FAM168B: variants seen among roughly 807,000 people sequenced by gnomAD.
FAM168B encodes myelin-associated neurite-outgrowth inhibitor.
In FAM168B, 19 loss-of-function variants were observed where a neutral mutation model predicts 21.8. That is an observed-to-expected ratio of 0.87 (90% CI 0.61 to 1.28). FAM168B has a LOEUF of 1.28. Ranked by LOEUF, FAM168B falls within the 50% of genes most tolerant of loss-of-function variation. The pLI, the probability that FAM168B is intolerant of heterozygous loss-of-function variation, is 0.00. For synonymous variants in FAM168B, 126 were observed against 104.8 expected (o/e 1.20, Z -1.24); for missense variants, 233 against 263.1 (o/e 0.89, Z 0.79).
At chr2:131,083,889 TTTATTTA>T (rs1303793445) in intron 1 of FAM168B, among the ~76,000 whole-genome samples, 1 of 149,152 alleles carries the variant, frequency 6.7e-6, no homozygotes, top group Non-Finnish European at 1.5e-5. Context: ...TATTTATTTA[TTTATTTA>T]TTTATTTATT....
chr2:131,053,628 A>G (rs1691830348), intron 5 of FAM168B, among the ~76,000 whole-genome samples: 1 of 152,182 alleles, frequency 6.6e-6, no homozygotes, highest in African/African-American at 2.4e-5. Context: ...TGTAATCCCA[A>G]CACTCTGGGA....
intron 3 of FAM168B, among the ~76,000 whole-genome samples, chr2:131,056,676 G>C (rs1692039195): frequency 6.6e-6 from 1 of 152,184 alleles, no homozygotes; most frequent in Non-Finnish European, 1.5e-5. Context: ...CAATGGCCCA[G>C]ATGCCCACCA....
At chr2:131,080,739 A>G (rs1336873830) in intron 2 of FAM168B, among the ~76,000 whole-genome samples, 1 of 149,848 alleles carries the variant, frequency 6.7e-6, no homozygotes, top group Non-Finnish European at 1.5e-5. Context: ...GCACGATCTC[A>G]GCTCACTGCA....
intron 3 of FAM168B, among the ~76,000 whole-genome samples, chr2:131,058,120 GTA>G (rs10570241): frequency 0.2 from 29,872 of 151,922 alleles, 3,920 homozygotes; most frequent in African/African-American, 0.38. Flanking sequence ...GTGTGAGCCT[GTA>G]TATATATATG....
At chr2:131,078,487 G>C (rs1423307278) in intron 2 of FAM168B, among the ~76,000 whole-genome samples, 6 of 152,204 alleles carry the variant, frequency 3.9e-5, no homozygotes, top group Non-Finnish European at 8.8e-5. Context: ...CAGGAGAGGA[G>C]AGAAAGGGAC....
intron 3 of FAM168B, among the ~76,000 whole-genome samples, chr2:131,060,661 C>T (rs1692245546): frequency 6.6e-6 from 1 of 152,144 alleles, no homozygotes; most frequent in Admixed American, 6.5e-5. Flanking sequence ...ACACCTCACT[C>T]ATGTTAGGGA....
rs1693477808 is a variant in FAM168B, at chr2:131,082,629, A to T, written c.18T>A (p.Ser6Arg). The T allele has an allele frequency of 6.2e-7, 1 of 1,608,438 alleles. No individual in the cohort carries two copies. The highest frequency in any genetic ancestry group is 8.5e-7 in the Non-Finnish European group (1 of 1,178,078). ...CATAGGGAACCCCAGAAGATCCAGGACTATAAACAGGATTCATGATTTCAA... is the reference window on the plus strand; with the variant it reads ...CATAGGGAACCCCAGAAGATCCAGGTCTATAAACAGGATTCATGATTTCAA... MNPVY[S>R]PGSSGVPYAN... Residue 6 changes from serine to arginine, a missense_variant, in exon 2 of 7, where the codon AGT (serine) becomes AGA (arginine). Transcript: ENST00000389915.
intron 6 of FAM168B, 72 bp downstream of exon 6, chr2:131,052,819 T>C: frequency 6.6e-7 from 1 of 1,521,604 alleles, no homozygotes; most frequent in Non-Finnish European, 8.8e-7. Flanking sequence ...CTTAAATATG[T>C]GGTAAATTTG....
At position 131,049,169 on chromosome 2, in the gene FAM168B, C is replaced by G. The variant is rs1691492334; in HGVS notation, c.*3296G>C. ...GTTGCTGTAATAATGTATTTCCTCT[C>G]GTTACTGTTGTGTCCCCCAAGACAC... On this transcript the variant is annotated 3_prime_UTR_variant, in exon 7 of 7. Coordinates refer to ENST00000389915, the MANE Select transcript of FAM168B (RefSeq NM_001009993.4). The G allele has an allele frequency of 2.0e-6, 2 of 985,422 alleles. No homozygotes were observed. The highest frequency in any genetic ancestry group is 2.4e-6 in the Non-Finnish European group (2 of 829,934). 61.0% of individuals were successfully genotyped at this position (985,422 alleles called of 1,614,324 possible). A position where few individuals can be genotyped will look rare whatever the true frequency, so the allele number is the denominator to read the frequency against.
At chr2:131,070,079 G>C (rs1228046690) in intron 3 of FAM168B, among the ~76,000 whole-genome samples, 3 of 151,006 alleles carry the variant, frequency 2.0e-5, no homozygotes, top group South Asian at 2.1e-4. Context: ...GGCTGGTCTC[G>C]AACTCCTGAC....
intron 3 of FAM168B, among the ~76,000 whole-genome samples, chr2:131,059,437 G>C (rs945907218): frequency 1.3e-5 from 2 of 152,116 alleles, no homozygotes; most frequent in African/African-American, 4.8e-5. Context: ...GACACCAGCG[G>C]GTACCTTCAG....
intron 3 of FAM168B, among the ~76,000 whole-genome samples, chr2:131,058,955 T>A (rs1692163689): frequency 2.0e-5 from 3 of 152,112 alleles, no homozygotes; most frequent in Non-Finnish European, 4.4e-5. Flanking sequence ...AAGGAAAAGG[T>A]AGTGTGTCCG....
At chr2:131,073,308 G>T (rs1692974537) in intron 2 of FAM168B, among the ~76,000 whole-genome samples, 1 of 152,136 alleles carries the variant, frequency 6.6e-6, no homozygotes, top group Admixed American at 6.5e-5. Flanking sequence ...GGCCAGGCTG[G>T]TCTCGAACTC....
intron 1 of FAM168B, among the ~76,000 whole-genome samples, chr2:131,091,391 T>C (rs925747997): frequency 6.7e-6 from 1 of 150,332 alleles, no homozygotes; most frequent in Admixed American, 6.7e-5. Context: ...CGCGGTGGTG[T>C]CTCCAGCACT....
At position 131,048,885 on chromosome 2, in the gene FAM168B, C is replaced by T. The variant is rs546004709; in HGVS notation, c.*3580G>A. On this transcript the variant is annotated 3_prime_UTR_variant, in exon 7 of 7. Coordinates refer to ENST00000389915, the MANE Select transcript of FAM168B (RefSeq NM_001009993.4). ...CGCCCAATGGAGGTCCTGTCCTGTCCGGGCAACAGCCAAACTGGCGACAAT... is the reference window on the plus strand; with the variant it reads ...CGCCCAATGGAGGTCCTGTCCTGTCTGGGCAACAGCCAAACTGGCGACAAT... The T allele has an allele frequency of 1.1e-4, 106 of 985,908 alleles. No individual in the cohort carries two copies. Among genetic ancestry groups the T allele is most frequent in the African/African-American group, 7.3e-4 (42 of 57,234 alleles). 61.1% of individuals were successfully genotyped at this position (985,908 alleles called of 1,614,324 possible). A position where few individuals can be genotyped will look rare whatever the true frequency, so the allele number is the denominator to read the frequency against.
chr2:131,093,391 G>C lies in FAM168B; in HGVS notation c.-189C>G, dbSNP rs1248816588. 6.6e-6 allele frequency: 1 copy of C among 150,784 alleles called. No homozygotes were observed. Among genetic ancestry groups the C allele is most frequent in the South Asian group, 2.0e-4 (1 of 4,970 alleles). The allele number at this position is 150,784 out of a possible 1,614,324, so 9.3% of individuals were successfully genotyped here. On this transcript the variant is annotated 5_prime_UTR_variant, in exon 1 of 7. Coordinates refer to ENST00000389915, the MANE Select transcript of FAM168B (RefSeq NM_001009993.4). Reference sequence around the variant, plus strand: ...GCCGCGCTCCCGCTCGCTCGGCTCCGCTTGGCCCGGCCCGCCTCTCCGCAG... The same window carrying C: ...GCCGCGCTCCCGCTCGCTCGGCTCCCCTTGGCCCGGCCCGCCTCTCCGCAG...
At chr2:131,053,132 G>A in intron 5 of FAM168B, 117 bp from the exon 6 acceptor site, 4 of 1,361,076 alleles carry the variant, frequency 2.9e-6, no homozygotes, top group Non-Finnish European at 3.8e-6. Flanking sequence ...AAGAGGGATA[G>A]TCTTGACCCA....
At chr2:131,074,473 A>C (rs533964179) in intron 2 of FAM168B, among the ~76,000 whole-genome samples, 1 of 152,170 alleles carries the variant, frequency 6.6e-6, no homozygotes, top group Non-Finnish European at 1.5e-5. Flanking sequence ...AAGATGACTC[A>C]GGTTTCCTAG....
At chr2:131,065,526 T>A (rs1018123316) in intron 3 of FAM168B, among the ~76,000 whole-genome samples, 2 of 152,158 alleles carry the variant, frequency 1.3e-5, no homozygotes, top group Admixed American at 6.5e-5. Flanking sequence ...TGGGGGCTCA[T>A]GTCTGTAATC....
Sources: gnomAD v4.1 joint callset for allele counts (sites outside exome capture counted in the v4.1 genomes callset) on GRCh38, gnomAD v4.1.1 for gene constraint, MANE v1.5 for transcripts, NCBI Gene and HGNC (gene_info 2026-07-23, HGNC 2026-07-21) for gene names.